SAMMSON: variants seen among roughly 807,000 people sequenced by gnomAD.
The protein encoded by SAMMSON is survival associated mitochondrial melanoma specific oncogenic non-coding RNA.
intron 4 of SAMMSON, among the ~76,000 whole-genome samples, chr3:70,245,840 T>G (rs1177486949): frequency 6.6e-6 from 1 of 151,066 alleles, no homozygotes; most frequent in African/African-American, 2.4e-5. Context: ...GAATGTCTAC[T>G]GATGGTGTTA....
chr3:70,372,189 A>T (rs1227976791), intron 9 of SAMMSON, among the ~76,000 whole-genome samples: 1 of 152,102 alleles, frequency 6.6e-6, no homozygotes, highest in Non-Finnish European at 1.5e-5. Context: ...GAATAGGTTG[A>T]ATTTTATCAA....
intron 4 of SAMMSON, among the ~76,000 whole-genome samples, chr3:70,112,764 A>G (rs757446057): frequency 3.3e-5 from 5 of 152,214 alleles, no homozygotes; most frequent in Non-Finnish European, 5.9e-5. Flanking sequence ...TGATATTTAA[A>G]TTCGTTTTCA....
At chr3:70,337,025 T>C (rs140844053) in intron 7 of SAMMSON, among the ~76,000 whole-genome samples, 4 of 134,326 alleles carry the variant, frequency 3.0e-5, no homozygotes, top group African/African-American at 1.1e-4. Context: ...ATTATTATTA[T>C]TAATAATAAT....
chr3:70,206,616 A>T (rs1701292988), intron 4 of SAMMSON: 1 of 397,650 alleles, frequency 2.5e-6, no homozygotes, highest in African/African-American at 2.1e-5. Context: ...GAGGTAAGAA[A>T]ATGTTGTTTG....
intron 7 of SAMMSON, among the ~76,000 whole-genome samples, chr3:70,321,394 G>A (rs1258597267): frequency 6.6e-6 from 1 of 151,936 alleles, no homozygotes; most frequent in Non-Finnish European, 1.5e-5. Flanking sequence ...CAATGATCTG[G>A]AGATTCATCC....
At chr3:70,035,732 C>G (rs1044481579) in intron 3 of SAMMSON, among the ~76,000 whole-genome samples, 2 of 152,022 alleles carry the variant, frequency 1.3e-5, no homozygotes, top group Non-Finnish European at 2.9e-5. Flanking sequence ...CTGATGATAG[C>G]GGGAAAGGAA....
chr3:70,219,627 A>T (rs1486419398), intron 4 of SAMMSON, among the ~76,000 whole-genome samples: 1 of 152,234 alleles, frequency 6.6e-6, no homozygotes, highest in African/African-American at 2.4e-5. Context: ...CCAAAGGGAC[A>T]TGTGTGAACC....
intron 4 of SAMMSON, among the ~76,000 whole-genome samples, chr3:70,142,028 A>T (rs1490836745): frequency 6.6e-6 from 1 of 152,232 alleles, no homozygotes; most frequent in Non-Finnish European, 1.5e-5. Flanking sequence ...AAATGAAAAA[A>T]TAATAGATGT....
At chr3:70,097,286 C>T (rs2067326287) in intron 4 of SAMMSON, among the ~76,000 whole-genome samples, 1 of 152,174 alleles carries the variant, frequency 6.6e-6, no homozygotes, top group Admixed American at 6.5e-5. Flanking sequence ...AGATGGCACT[C>T]ATGATTCTGT....
At chr3:70,380,334 G>A (rs1387042508) in intron 9 of SAMMSON, among the ~76,000 whole-genome samples, 2 of 152,014 alleles carry the variant, frequency 1.3e-5, no homozygotes, top group Non-Finnish European at 2.9e-5. Context: ...AAAGAGATAC[G>A]AGTACAAAAT....
chr3:70,139,560 G>A (rs1174000926), intron 4 of SAMMSON, among the ~76,000 whole-genome samples: 1 of 152,124 alleles, frequency 6.6e-6, no homozygotes, highest in Non-Finnish European at 1.5e-5. Flanking sequence ...AATCTAGGTG[G>A]AGGCAGCCAT....
chr3:70,065,214 G>A (rs2067205125), intron 3 of SAMMSON: 1 of 152,052 alleles, frequency 6.6e-6, no homozygotes, highest in African/African-American at 2.4e-5. Flanking sequence ...CACAAAAGAG[G>A]TCACTGGTCT....
In SAMMSON at chr3:70,430,906, AGATACC is replaced by A. The variant is rs769274168; in HGVS notation, n.234-31653_234-31648del. On this transcript the variant is annotated intron_variant and non_coding_transcript_variant, in intron 2 of 3. Transcript: ENST00000641053. ...TGAGAAAATTCCACCAGGATTTGGA[AGATACC>A]TTATTTAATTCAATACTGGGCTCTC... Among the ~76,000 whole-genome samples, 90 of 152,242 alleles carry A rather than the reference AGATACC, an allele frequency of 5.9e-4. 1 individual carries two copies. The highest frequency in any genetic ancestry group is 3.3e-3 in the South Asian group (16 of 4,830).
intron 4 of SAMMSON, among the ~76,000 whole-genome samples, chr3:70,202,914 C>T (rs1037548035): frequency 6.6e-6 from 1 of 152,012 alleles, no homozygotes; most frequent in African/African-American, 2.4e-5. Context: ...AAGGAGGTTC[C>T]ACAAGTGTGT....
At chr3:70,400,240 C>A (rs1701129224) in intron 2 of SAMMSON, among the ~76,000 whole-genome samples, 1 of 152,140 alleles carries the variant, frequency 6.6e-6, no homozygotes, top group African/African-American at 2.4e-5. Context: ...TTGTCCCCAA[C>A]AAAATTGATG....
At chr3:70,062,168 G>A (rs73836039) in intron 3 of SAMMSON, among the ~76,000 whole-genome samples, 1,850 of 152,008 alleles carry the variant, frequency 0.012, 40 homozygotes, top group African/African-American at 0.041. Context: ...CGCATGGCCC[G>A]TTTCCCCACT....
intron 9 of SAMMSON, among the ~76,000 whole-genome samples, chr3:70,374,285 G>C (rs1005447273): frequency 1.6e-4 from 24 of 152,090 alleles, no homozygotes; most frequent in South Asian, 6.2e-4. Flanking sequence ...TCTATTGATT[G>C]TCCTTTTTTC....
rs993528491 is a variant in SAMMSON at position 70,370,048 on chromosome 3, C to T, written n.913+11724C>T. ...GTAAGATAAACTTTTCTAGCCCCTA[C>T]GTATGAGTGAGAACTCATATCTCTC... is the stretch of plus-strand genomic sequence containing the variant. On this transcript the variant is annotated intron_variant and non_coding_transcript_variant, in intron 9 of 9. Coordinates refer to ENST00000642114, the Ensembl canonical transcript of SAMMSON. 1.2e-4 allele frequency among the ~76,000 whole-genome samples: 18 copies of T among 151,732 alleles called. 1 individual carries two copies. Among genetic ancestry groups the T allele is most frequent in the South Asian group, 4.1e-4 (2 of 4,826 alleles).
intron 4 of SAMMSON, among the ~76,000 whole-genome samples, chr3:70,211,885 C>T (rs1701354439): frequency 6.7e-6 from 1 of 149,984 alleles, no homozygotes; most frequent in Non-Finnish European, 1.5e-5. Flanking sequence ...TCCCTTCTTC[C>T]CTTCCCTTTG....
Sources: allele counts gnomAD v4.1 joint callset (sites outside exome capture counted in the v4.1 genomes callset), GRCh38; gene constraint gnomAD v4.1.1; transcripts MANE v1.5; gene names NCBI Gene and HGNC (gene_info 2026-07-23, HGNC 2026-07-21).